Variants in NRG3 observed in about 807,000 individuals in gnomAD.
The protein encoded by NRG3 is pro-neuregulin-3, membrane-bound isoform.
A neutral mutation model predicts 66.9 loss-of-function variants in NRG3; 31 were observed. The ratio of observed to expected loss-of-function variants is 0.46; its 90% confidence interval spans 0.35 to 0.63. The LOEUF (loss-of-function observed/expected upper bound fraction) is 0.63, where lower values mean the gene tolerates loss of function less well. Ranked by LOEUF, NRG3 falls within the 20% of genes least tolerant of loss-of-function variation. The pLI is 0.00. For synonymous variants in NRG3, 393 were observed against 359.4 expected, an observed-to-expected ratio of 1.09 and a Z score of -1.06; for missense variants, 910 against 878.9, an observed-to-expected ratio of 1.04 and a Z score of -0.45.
chr10:82,342,827 A>G (rs1418570637), intron 1 of NRG3, among the ~76,000 whole-genome samples: 3 of 152,122 alleles, frequency 2.0e-5, no homozygotes, highest in African/African-American at 7.2e-5. Flanking sequence ...GGACTTGGTC[A>G]TAAATTCTTT....
chr10:82,896,752 G>A (rs1843699105), intron 4 of NRG3, among the ~76,000 whole-genome samples: 1 of 152,236 alleles, frequency 6.6e-6, no homozygotes, highest in African/African-American at 2.4e-5. Flanking sequence ...ATGAAAGGTT[G>A]TTTCTTCCCA....
intron 1 of NRG3, among the ~76,000 whole-genome samples, chr10:82,250,685 T>C (rs1262558539): frequency 6.6e-6 from 1 of 152,210 alleles, no homozygotes; most frequent in Non-Finnish European, 1.5e-5. Context: ...CTGAATTTTA[T>C]ACCATTTTAA....
rs1461036332 is a variant in NRG3 at position 82,187,806 on chromosome 10, C to T, written c.824-170933C>T. 3.3e-5 allele frequency among the ~76,000 whole-genome samples: 5 copies of T among 152,070 alleles called. No homozygotes were observed. In the East Asian group the frequency reaches 7.7e-4, roughly 23 times the overall value. Reference sequence around the variant, plus strand: ...ACTATGTTTTACTTAGATGGCATTACTGAATGTACATTTTCAGAATTTATT... The same window carrying T: ...ACTATGTTTTACTTAGATGGCATTATTGAATGTACATTTTCAGAATTTATT... On this transcript the variant is annotated intron_variant, in intron 1 of 8. Coordinates refer to ENST00000372141, the MANE Select transcript of NRG3 (RefSeq NM_001010848.4).
intron 1 of NRG3, among the ~76,000 whole-genome samples, chr10:82,191,526 A>G (rs1045803688): frequency 4.6e-5 from 7 of 152,178 alleles, no homozygotes; most frequent in African/African-American, 1.7e-4. Flanking sequence ...TCACATGATG[A>G]TAAAATGTAC....
intron 2 of NRG3, among the ~76,000 whole-genome samples, chr10:82,517,697 C>A (rs956373413): frequency 3.1e-5 from 4 of 128,338 alleles, no homozygotes; most frequent in African/African-American, 1.2e-4. Context: ...GTGTGTGTGT[C>A]TGTATGTTTC....
intron 2 of NRG3, among the ~76,000 whole-genome samples, chr10:82,535,233 G>A (rs61864247): frequency 4.7e-4 from 71 of 149,666 alleles, no homozygotes; most frequent in Non-Finnish European, 8.9e-4. Flanking sequence ...ATCTAGTGAG[G>A]AAAATTATAT....
chr10:82,473,903 G>A (rs1841509674), intron 2 of NRG3, among the ~76,000 whole-genome samples: 1 of 152,158 alleles, frequency 6.6e-6, no homozygotes, highest in Non-Finnish European at 1.5e-5. Context: ...GAGATTGCCT[G>A]CTGAGGAATA....
intron 4 of NRG3, among the ~76,000 whole-genome samples, chr10:82,909,987 G>GA (rs1328554843): frequency 6.6e-6 from 1 of 152,134 alleles, no homozygotes; most frequent in Non-Finnish European, 1.5e-5. Flanking sequence ...ATGAAAAATA[G>GA]AAAAACACTC....
chr10:81,958,902 A>G (rs775859092), intron 1 of NRG3, among the ~76,000 whole-genome samples: 2 of 152,158 alleles, frequency 1.3e-5, no homozygotes, highest in Non-Finnish European at 2.9e-5. Flanking sequence ...AAGAAAAAAA[A>G]ATAACAAAAC....
intron 3 of NRG3, among the ~76,000 whole-genome samples, chr10:82,797,824 G>A (rs1458456031): frequency 6.6e-6 from 1 of 152,076 alleles, no homozygotes; most frequent in Non-Finnish European, 1.5e-5. Flanking sequence ...TGTGAATGTG[G>A]CCTCCTGAAG....
At chr10:82,042,932 G>T (rs76866274) in intron 1 of NRG3, among the ~76,000 whole-genome samples, 1 of 151,882 alleles carries the variant, frequency 6.6e-6, no homozygotes, top group Non-Finnish European at 1.5e-5. Context: ...GGCAACATTC[G>T]CAAAACATTT....
chr10:82,935,876 C>CAA lies in NRG3; in HGVS notation c.1055-15582_1055-15581dup, dbSNP rs200656889. On this transcript the variant is annotated intron_variant, in intron 4 of 8. Coordinates refer to ENST00000372141, the MANE Select transcript of NRG3 (RefSeq NM_001010848.4). ...TTGAATCTTATAACATAATACTGAG[C>CAA]AAAAAAAAAAAATCTAGACATATAA... Among the ~76,000 whole-genome samples the CAA allele has an allele frequency of 5.8e-3, 775 of 133,326 alleles. 6 individuals are homozygous for CAA. Among genetic ancestry groups the CAA allele is most frequent in the African/African-American group, 0.02 (746 of 37,230 alleles). The allele number at this position is 133,326 out of a possible 152,430, so 87.5% of individuals were successfully genotyped here. A position where few individuals can be genotyped will look rare whatever the true frequency, so the allele number is the denominator to read the frequency against.
rs558797979 is a variant in NRG3, at chr10:82,881,489, A to G, written c.1054+16052A>G. On this transcript the variant is annotated intron_variant, in intron 4 of 8. Coordinates refer to ENST00000372141, the MANE Select transcript of NRG3 (RefSeq NM_001010848.4). Reference sequence around the variant, plus strand: ...GAATATGGGGCCTTTTGTTCCTACCAGAAAATAATCAAGATGTCTATCTTC... The same window carrying G: ...GAATATGGGGCCTTTTGTTCCTACCGGAAAATAATCAAGATGTCTATCTTC... 1.9e-4 allele frequency among the ~76,000 whole-genome samples: 29 copies of G among 152,334 alleles called. No homozygotes were observed. In the South Asian group the frequency reaches 5.6e-3, roughly 29 times the overall value.
Position 82,738,612 on chromosome 10 carries a change from A to G in NRG3, c.989A>G (p.Gln330Arg). The G allele has an allele frequency of 6.2e-7, 1 of 1,614,164 alleles. No individual in the cohort carries two copies. The highest frequency in any genetic ancestry group is 8.5e-7 in the Non-Finnish European group (1 of 1,180,004). ...KEGYQGVRCD[Q>R]FLPKTDSILS... The stretch of plus-strand genomic sequence containing the variant: ...GGCTACCAAGGAGTCCGTTGTGATC[A>G]ATTTCTGCCGAAAACTGATTCCATC... Residue 330 changes from glutamine to arginine, a missense_variant, in exon 3 of 9, where the codon CAA (glutamine) becomes CGA (arginine). Physicochemically the swap from Gln to Arg is conservative, Grantham distance 43. Transcript: ENST00000372141.
At chr10:82,769,847 T>G (rs906897357) in intron 3 of NRG3, among the ~76,000 whole-genome samples, 2 of 152,162 alleles carry the variant, frequency 1.3e-5, no homozygotes, top group African/African-American at 2.4e-5. Context: ...CATGTATACC[T>G]AATACAGTGT....
intron 2 of NRG3, among the ~76,000 whole-genome samples, chr10:82,633,547 G>A (rs1328130111): frequency 3.3e-5 from 5 of 152,136 alleles, no homozygotes; most frequent in African/African-American, 7.2e-5. Context: ...GGAGACAGAT[G>A]CCCCAGATAG....
intron 2 of NRG3, among the ~76,000 whole-genome samples, chr10:82,674,344 A>G (rs1332397447): frequency 2.6e-5 from 4 of 152,154 alleles, no homozygotes; most frequent in African/African-American, 9.7e-5. Context: ...ATTTTTGTTC[A>G]AAAACAACAA....
At chr10:82,721,794 T>C (rs1436197267) in intron 2 of NRG3, among the ~76,000 whole-genome samples, 1 of 152,188 alleles carries the variant, frequency 6.6e-6, no homozygotes, top group Non-Finnish European at 1.5e-5. Flanking sequence ...CTACGTTGCC[T>C]TCTGTAGCTT....
chr10:82,837,113 G>A (rs967862587), intron 3 of NRG3, among the ~76,000 whole-genome samples: 2 of 152,108 alleles, frequency 1.3e-5, no homozygotes, highest in Non-Finnish European at 2.9e-5. Flanking sequence ...TGGTGTACAT[G>A]TGCCACATTT....
Sources: gnomAD v4.1 joint callset for allele counts (sites outside exome capture counted in the v4.1 genomes callset) on GRCh38, gnomAD v4.1.1 for gene constraint, MANE v1.5 for transcripts, NCBI Gene and HGNC (gene_info 2026-07-23, HGNC 2026-07-21) for gene names.